OTOF: variants seen among roughly 807,000 people sequenced by gnomAD.
The protein encoded by OTOF is fer-1-like family member 2.
A neutral mutation model predicts 236.8 loss-of-function variants in OTOF; 218 were observed. The observed-to-expected ratio is 0.92, with a 90% CI of 0.82 to 1.03. OTOF has a LOEUF of 1.03. Among genes scored for constraint, OTOF ranks in the 50% least tolerant of loss-of-function variants. The pLI is 0.00. For missense variants in OTOF, 2,590 were observed against 2,694.4 expected, an observed-to-expected ratio of 0.96 and a Z score of 0.86; for synonymous variants, 1,041 against 1,072.5, an observed-to-expected ratio of 0.97 and a Z score of 0.57.
intron 4 of OTOF, 57 bp downstream of exon 4, chr2:26,518,953 C>G: frequency 8.1e-7 from 1 of 1,231,046 alleles, no homozygotes; most frequent in Non-Finnish European, 1.2e-6. Context: ...GCAGGGAGAA[C>G]AGACCCCCAG....
chr2:26,517,763 C>T (rs955060005), intron 4 of OTOF, among the ~76,000 whole-genome samples: 5 of 152,162 alleles, frequency 3.3e-5, no homozygotes, highest in Non-Finnish European at 7.4e-5. Context: ...CAATGGGTAG[C>T]GGAGATGGGT....
At chr2:26,485,346 A>G (rs1572441531) in intron 11 of OTOF, among the ~76,000 whole-genome samples, 1 of 151,990 alleles carries the variant, frequency 6.6e-6, no homozygotes, top group East Asian at 1.9e-4. Context: ...GGAAGAGTTG[A>G]TCCTGGGCTC....
intron 6 of OTOF, 104 bp from the exon 7 acceptor site, chr2:26,502,530 T>C (rs540699493): frequency 8.4e-7 from 1 of 1,193,012 alleles, no homozygotes; most frequent in East Asian, 2.5e-5. Flanking sequence ...AAATTCGAGG[T>C]TTACTTAGTT....
At chr2:26,495,174 G>A (rs988582877) in intron 8 of OTOF, 101 bp from the exon 9 acceptor site, 39 of 1,281,236 alleles carry the variant, frequency 3.0e-5, no homozygotes, top group Non-Finnish European at 1.1e-5. Flanking sequence ...CAGAGGGAGG[G>A]CCCGGGAGCC....
At chr2:26,494,241 TC>T (rs1665919926) in intron 9 of OTOF, among the ~76,000 whole-genome samples, 1 of 152,200 alleles carries the variant, frequency 6.6e-6, no homozygotes, top group Non-Finnish European at 1.5e-5. Flanking sequence ...GTCTCTGAGG[TC>T]CCTCACCCTT....
intron 1 of OTOF, among the ~76,000 whole-genome samples, chr2:26,548,250 G>T (rs1667380359): frequency 6.6e-6 from 1 of 151,868 alleles, no homozygotes; most frequent in South Asian, 2.1e-4. Context: ...TTTCTCTGTT[G>T]TCTATTTTCT....
At chr2:26,552,647 C>T (rs1264456802) in intron 1 of OTOF, among the ~76,000 whole-genome samples, 1 of 152,122 alleles carries the variant, frequency 6.6e-6, no homozygotes, top group Non-Finnish European at 1.5e-5. Flanking sequence ...CGCTGGTGTG[C>T]AATGGCTTGC....
At chr2:26,484,429 G>A (rs750647448) in intron 12 of OTOF, 45 bp downstream of exon 12, 71 of 1,610,172 alleles carry the variant, frequency 4.4e-5, no homozygotes, top group Non-Finnish European at 5.7e-5. Flanking sequence ...CTGGGGGAAG[G>A]AAGGGCTGGC....
At chr2:26,506,968 C>T (rs1377441528) in intron 5 of OTOF, among the ~76,000 whole-genome samples, 4 of 152,270 alleles carry the variant, frequency 2.6e-5, no homozygotes, top group African/African-American at 9.6e-5. Context: ...CCAGCCTGGG[C>T]GACAGAGTGA....
chr2:26,558,351 T>C, intron 1 of OTOF, 142 bp downstream of exon 1: 1 of 730,456 alleles, frequency 1.4e-6, no homozygotes, highest in Non-Finnish European at 2.5e-6. Flanking sequence ...GATGACTACC[T>C]GTGAAAAGGC....
rs765948024 is a variant in OTOF, at chr2:26,489,289, G to A, written c.967C>T (p.His323Tyr). The A allele has an allele frequency of 2.5e-6, 4 of 1,611,806 alleles. No homozygotes were observed. Among genetic ancestry groups the A allele is most frequent in the Middle Eastern group, 1.7e-4 (1 of 6,056 alleles). Residue 323 changes from histidine (H) to tyrosine (Y), a missense_variant, in exon 11 of 47, where the codon CAC (histidine) becomes TAC (tyrosine). By Grantham distance (83) the His-to-Tyr change is moderately conservative (BLOSUM62 2). Coordinates refer to ENST00000272371, the MANE Select transcript of OTOF (RefSeq NM_194248.3). ...FDKIIKISVI[H>Y]SKNLLRSGTL... is the part of the protein sequence containing the mutation. ...CCACTGCGCAGCAGGTTCTTGGAGT[G>A]AATCACCTTTCAGGCAGAACCACAG...
intron 8 of OTOF, among the ~76,000 whole-genome samples, chr2:26,497,309 C>T (rs774719684): frequency 1.8e-4 from 27 of 152,044 alleles, no homozygotes; most frequent in Non-Finnish European, 3.7e-4. Flanking sequence ...CCATGTTGGC[C>T]GGGATGGTCT....
chr2:26,483,764 A>G, intron 12 of OTOF, 116 bp from the exon 13 acceptor site: 1 of 927,022 alleles, frequency 1.1e-6, no homozygotes, highest in Non-Finnish European at 1.7e-6. Flanking sequence ...TGAGGGAGCA[A>G]GGCTAGGATT....
chr2:26,463,164 G>A (rs9679418), intron 41 of OTOF, among the ~76,000 whole-genome samples: 1 of 152,158 alleles, frequency 6.6e-6, no homozygotes, highest in African/African-American at 2.4e-5. Context: ...GTGTGCATGA[G>A]ATGCATGTGT....
At chr2:26,516,252 G>A (rs1201220935) in intron 5 of OTOF, among the ~76,000 whole-genome samples, 166 bp downstream of exon 5, 1 of 152,168 alleles carries the variant, frequency 6.6e-6, no homozygotes, top group Non-Finnish European at 1.5e-5. Context: ...ACGGCTGGGT[G>A]GGGGGCTACA....
At chr2:26,524,098 G>C (rs764371697) in intron 3 of OTOF, among the ~76,000 whole-genome samples, 6 of 152,256 alleles carry the variant, frequency 3.9e-5, no homozygotes, top group Non-Finnish European at 7.3e-5. Context: ...ACCAGGCCTG[G>C]GCCTCCCCTT....
rs138037294 is a variant in OTOF at position 26,467,501 on chromosome 2, C to T, written c.4091G>A (p.Gly1364Asp). Residue 1364 changes from glycine (G) to aspartate (D), a missense_variant and splice_region_variant, in exon 34 of 47, where the codon GGC becomes GAC. By Grantham distance (94) the Gly-to-Asp change is moderately conservative. Transcript: ENST00000272371. ...CTTGCCCTTCATTGACCCCTTCAGG[C>T]CTGGCCAGAAGCAGAAAAGGAGGTG... is the stretch of plus-strand genomic sequence containing the variant. ...EEKEEVDNTE[G>D]LKGSMKGKEK... 1 of 1,613,752 alleles carries T rather than the reference C, an allele frequency of 6.2e-7. No individual in the cohort carries two copies. The highest frequency in any genetic ancestry group is 1.7e-5 in the Admixed American group (1 of 59,972).
chr2:26,551,888 GT>G (rs1420518444), intron 1 of OTOF, among the ~76,000 whole-genome samples: 2 of 152,024 alleles, frequency 1.3e-5, no homozygotes, highest in Non-Finnish European at 2.9e-5. Context: ...TTATAACTGT[GT>G]ACTGAATATT....
intron 14 of OTOF, 145 bp downstream of exon 14, chr2:26,482,261 G>C (rs1665558885): frequency 1.3e-6 from 1 of 755,706 alleles, no homozygotes; most frequent in East Asian, 2.7e-5. Flanking sequence ...CCCTGAGGCA[G>C]GGGCTGCTGG....
Sources: allele counts gnomAD v4.1 joint callset (sites outside exome capture counted in the v4.1 genomes callset), GRCh38; gene constraint gnomAD v4.1.1; transcripts MANE v1.5; gene names NCBI Gene and HGNC (gene_info 2026-07-23, HGNC 2026-07-21).